Variants in UCHL5 observed in about 807,000 individuals in gnomAD.
UCHL5 encodes the protein ubiquitin carboxyl-terminal hydrolase isozyme L5.
Under a neutral mutation model 53.8 loss-of-function variants are expected in UCHL5, and 34 were observed. That is an observed-to-expected ratio of 0.63 (90% CI 0.48 to 0.84). The LOEUF is 0.84. Ranked by LOEUF, UCHL5 falls within the 40% of genes least tolerant of loss-of-function variation. UCHL5 has a pLI of 0.00. For synonymous variants in UCHL5, 111 were observed against 126.3 expected (o/e 0.88, Z 0.81); for missense variants, 290 against 385.6 (o/e 0.75, Z 2.08).
At chr1:193,043,612 C>T (rs548089115) in intron 3 of UCHL5, among the ~76,000 whole-genome samples, 4 of 151,452 alleles carry the variant, frequency 2.6e-5, no homozygotes, top group Non-Finnish European at 5.9e-5. Context: ...CTTTGGGCCA[C>T]ACTGATAGTC....
At chr1:193,033,362 C>G (rs1662191385) in intron 3 of UCHL5, among the ~76,000 whole-genome samples, 1 of 152,064 alleles carries the variant, frequency 6.6e-6, no homozygotes, top group South Asian at 2.1e-4. Flanking sequence ...GAACATCACA[C>G]ACCGGGGCTT....
At chr1:193,019,742 G>T in intron 10 of UCHL5, 1 of 489,392 alleles carries the variant, frequency 2.0e-6, no homozygotes, top group Non-Finnish European at 2.7e-6. Context: ...GGGATATAGT[G>T]TAATTAAAAA....
chr1:193,059,033 G>A lies in UCHL5; in HGVS notation c.76+152C>T, dbSNP rs1303580678. 4 of 726,236 alleles carry A rather than the reference G, an allele frequency of 5.5e-6. No individual in the cohort carries two copies. The highest frequency in any genetic ancestry group is 5.8e-5 in the East Asian group (2 of 34,702). 45.0% of individuals were successfully genotyped at this position (726,236 alleles called of 1,614,324 possible). ...CGCGACTGTCTCGAGCTGAGGAGAG[G>A]GCAGAACATCTACATTTCCCCCACC... On this transcript the variant is annotated intron_variant, in intron 1 of 10. Coordinates refer to ENST00000367454, the MANE Select transcript of UCHL5 (RefSeq NM_001199261.3). The surrounding 1 kb of genome is among the most constrained non-coding windows in gnomAD (Gnocchi z 4.9).
chr1:193,041,604 G>A (rs960427370), intron 3 of UCHL5, among the ~76,000 whole-genome samples: 2 of 152,146 alleles, frequency 1.3e-5, no homozygotes, highest in African/African-American at 4.8e-5. Flanking sequence ...CATATTAGAT[G>A]AAATACTCAT....
At chr1:193,057,133 C>G (rs1018040998) in intron 1 of UCHL5, 5 of 152,218 alleles carry the variant, frequency 3.3e-5, no homozygotes, top group African/African-American at 7.2e-5. Flanking sequence ...CAGTGTCTGT[C>G]CAAATCTGAA....
At chr1:193,038,949 T>C (rs533623966) in intron 3 of UCHL5, among the ~76,000 whole-genome samples, 2 of 152,106 alleles carry the variant, frequency 1.3e-5, no homozygotes, top group South Asian at 2.1e-4. Context: ...TGAGCTATGA[T>C]TGTGCTACTT....
At position 193,059,219 on chromosome 1, in the gene UCHL5, G is replaced by C; in HGVS notation, c.42C>G (p.Asp14Glu). The change falls in exon 1 of 11, where the codon GAC (aspartate) becomes GAG (glutamate). Residue 14 changes from aspartate (D) to glutamate (E), a missense_variant. Coordinates refer to ENST00000367454, the MANE Select transcript of UCHL5 (RefSeq NM_001199261.3). The surrounding 1 kb of genome is among the most constrained non-coding windows in gnomAD (Gnocchi z 4.9). ...TAATGAGCTCGGTGAAGACCCCGGG[G>C]TCGCTTTCCATGAGGCACCACTCCC... is the stretch of plus-strand genomic sequence containing the variant. ...NAGEWCLMES[D>E]PGVFTELIKG... is the part of the protein sequence containing the mutation. The C allele has an allele frequency of 6.2e-7, 1 of 1,614,048 alleles. No homozygotes were observed.
At chr1:193,047,137 A>G (rs539948981) in intron 3 of UCHL5, among the ~76,000 whole-genome samples, 46 of 152,150 alleles carry the variant, frequency 3.0e-4, no homozygotes, top group East Asian at 7.7e-4. Flanking sequence ...AGAGAGGTAA[A>G]TGTTGCCTAC....
At chr1:193,037,365 T>C (rs1663906893) in intron 3 of UCHL5, among the ~76,000 whole-genome samples, 2 of 151,952 alleles carry the variant, frequency 1.3e-5, no homozygotes, top group African/African-American at 2.4e-5. Flanking sequence ...AACAGCTATA[T>C]ACAAAAAAAT....
chr1:193,058,940 G>A (rs572703606), intron 1 of UCHL5, among the ~76,000 whole-genome samples: 1 of 152,228 alleles, frequency 6.6e-6, no homozygotes, highest in African/African-American at 2.4e-5. Context: ...AGGTCCTGAG[G>A]ATGCAGCAGG....
At chr1:193,047,399 C>G (rs1312449191) in intron 3 of UCHL5, among the ~76,000 whole-genome samples, 1 of 151,968 alleles carries the variant, frequency 6.6e-6, no homozygotes, top group Non-Finnish European at 1.5e-5. Context: ...ACAAATGATA[C>G]ATTTTTAACT....
rs376699544 is a variant in UCHL5 at position 193,053,819 on chromosome 1, G to A, written c.77-2002C>T. ...ATGGTATTTACCAAATATCTTTTGC[G>A]TGCCAAGCATGGTACTAGGCCCTGG... On this transcript the variant is annotated intron_variant, in intron 1 of 10. Coordinates refer to ENST00000367454, the MANE Select transcript of UCHL5 (RefSeq NM_001199261.3). Among the ~76,000 whole-genome samples the A allele has an allele frequency of 2.5e-3, 386 of 152,222 alleles. 2 individuals are homozygous for A. The highest frequency in any genetic ancestry group is 8.1e-3 in the African/African-American group (338 of 41,544).
At chr1:193,034,370 A>T (rs1007798013) in intron 3 of UCHL5, among the ~76,000 whole-genome samples, 5 of 151,976 alleles carry the variant, frequency 3.3e-5, no homozygotes, top group East Asian at 1.9e-4. Flanking sequence ...GAAATCTTTT[A>T]AAAAAATACA....
At chr1:193,056,316 G>C (rs1294169002) in intron 1 of UCHL5, among the ~76,000 whole-genome samples, 1 of 151,958 alleles carries the variant, frequency 6.6e-6, no homozygotes, top group African/African-American at 2.4e-5. Context: ...ACAGCTCTTA[G>C]TTTCATGTAT....
chr1:193,047,379 C>T (rs1558144029), intron 3 of UCHL5, among the ~76,000 whole-genome samples: 1 of 151,608 alleles, frequency 6.6e-6, no homozygotes, highest in African/African-American at 2.4e-5. Context: ...GTTCTGCTAT[C>T]AGAAAAAAAA....
intron 3 of UCHL5, among the ~76,000 whole-genome samples, chr1:193,033,772 T>A (rs1662379813): frequency 6.6e-6 from 1 of 152,098 alleles, no homozygotes; most frequent in Non-Finnish European, 1.5e-5. Flanking sequence ...GAAAAAATCA[T>A]TTTATACTGG....
At chr1:193,020,186 TA>T in intron 10 of UCHL5, 1 of 1,369,350 alleles carries the variant, frequency 7.3e-7, no homozygotes, top group South Asian at 1.9e-5. Flanking sequence ...AATAAGGTAA[TA>T]TACACAAAAA....
At position 193,028,047 on chromosome 1, in the gene UCHL5, A is replaced by C. The variant is rs749189792; in HGVS notation, c.629+38T>G. ...TACAAGTTTAAAAAATACTTAAAAA[A>C]CAGAATATTATGCCAATGAGATTAG... On this transcript the variant is annotated intron_variant, in intron 7 of 10. Coordinates refer to ENST00000367454, the MANE Select transcript of UCHL5 (RefSeq NM_001199261.3). The C allele has an allele frequency of 1.8e-5, 28 of 1,591,442 alleles. No individual in the cohort carries two copies. The South Asian group carries it at 3.0e-4, about 17-fold the overall frequency.
At chr1:193,031,701 T>C (rs1054913604) in intron 3 of UCHL5, among the ~76,000 whole-genome samples, 34 of 152,304 alleles carry the variant, frequency 2.2e-4, no homozygotes, top group African/African-American at 6.7e-4. Context: ...GAGCACCTAC[T>C]ACGTGCCAGA....
Sources: gnomAD v4.1 joint callset for allele counts (sites outside exome capture counted in the v4.1 genomes callset) on GRCh38, gnomAD v4.1.1 for gene constraint, Gnocchi (gnomAD v3.1) non-coding constraint, MANE v1.5 for transcripts, NCBI Gene and HGNC (gene_info 2026-07-23, HGNC 2026-07-21) for gene names.